IMMP2L: variants seen among roughly 807,000 people sequenced by gnomAD.
The protein encoded by IMMP2L is inner mitochondrial membrane peptidase subunit 2, also known as mitochondrial inner membrane protease subunit 2.
Under a neutral mutation model 19.3 loss-of-function variants are expected in IMMP2L, and 18 were observed. The observed-to-expected ratio is 0.93, with a 90% CI of 0.64 to 1.38. IMMP2L has a LOEUF of 1.38. Among genes scored for constraint, IMMP2L ranks in the 40% most tolerant of loss-of-function variants. IMMP2L has a pLI of 0.00. For synonymous variants in IMMP2L, 76 were observed against 73.0 expected, an observed-to-expected ratio of 1.04 and a Z score of -0.21; for missense variants, 233 against 218.2, an observed-to-expected ratio of 1.07 and a Z score of -0.43.
At chr7:111,037,653 G>T (rs1381321676) in intron 3 of IMMP2L, among the ~76,000 whole-genome samples, 1 of 152,128 alleles carries the variant, frequency 6.6e-6, no homozygotes, top group Non-Finnish European at 1.5e-5. Flanking sequence ...TTGCTTCAAA[G>T]AAGGTAGTTA....
chr7:111,254,333 CTT>C (rs1816469693), intron 3 of IMMP2L, among the ~76,000 whole-genome samples: 1 of 151,980 alleles, frequency 6.6e-6, no homozygotes, highest in African/African-American at 2.4e-5. Flanking sequence ...TCCTAAAAGT[CTT>C]TGAATATATG....
At chr7:110,959,866 C>G (rs1818750383) in intron 4 of IMMP2L, among the ~76,000 whole-genome samples, 1 of 151,902 alleles carries the variant, frequency 6.6e-6, no homozygotes, top group African/African-American at 2.4e-5. Flanking sequence ...CATCATTAAC[C>G]CTTGCTCTGG....
intron 3 of IMMP2L, among the ~76,000 whole-genome samples, chr7:111,301,381 A>T (rs1325815678): frequency 5.5e-5 from 8 of 145,666 alleles, no homozygotes; most frequent in African/African-American, 2.0e-4. Context: ...TTGGCAGGAG[A>T]TATGGTTTGC....
chr7:110,892,709 A>G (rs966022759), intron 4 of IMMP2L, among the ~76,000 whole-genome samples: 1 of 152,162 alleles, frequency 6.6e-6, no homozygotes, highest in African/African-American at 2.4e-5. Flanking sequence ...CAGAGAAAAA[A>G]CATGGACTAC....
intron 3 of IMMP2L, among the ~76,000 whole-genome samples, chr7:111,061,088 C>T (rs754871162): frequency 5.9e-5 from 9 of 152,100 alleles, no homozygotes; most frequent in East Asian, 1.9e-4. Flanking sequence ...AATGTATATG[C>T]GTGAAGTCTG....
At chr7:111,438,467 A>G (rs1273957442) in intron 3 of IMMP2L, among the ~76,000 whole-genome samples, 1 of 151,798 alleles carries the variant, frequency 6.6e-6, no homozygotes, top group Admixed American at 6.6e-5. Flanking sequence ...AGCTCTTTTT[A>G]TAACAACTTC....
At chr7:111,421,636 G>C (rs112830389) in intron 3 of IMMP2L, among the ~76,000 whole-genome samples, 7,673 of 151,716 alleles carry the variant, frequency 0.051, 303 homozygotes, top group South Asian at 0.084. Context: ...TGTCAGACGG[G>C]TAGATTGCAA....
At chr7:110,954,653 A>C (rs191728682) in intron 4 of IMMP2L, among the ~76,000 whole-genome samples, 1 of 152,260 alleles carries the variant, frequency 6.6e-6, no homozygotes, top group Admixed American at 6.5e-5. Flanking sequence ...AGAGTTAAGT[A>C]ATTTGCCAAA....
intron 5 of IMMP2L, among the ~76,000 whole-genome samples, chr7:110,712,875 C>G (rs1394250071): frequency 7.7e-6 from 1 of 129,096 alleles, no homozygotes; most frequent in South Asian, 2.7e-4. Context: ...GGCTCGCGCA[C>G]AGTGCGCACA....
chr7:111,071,585 T>C (rs930167144), intron 3 of IMMP2L, among the ~76,000 whole-genome samples: 3 of 152,156 alleles, frequency 2.0e-5, no homozygotes, highest in Non-Finnish European at 4.4e-5. Context: ...CATGCTACAA[T>C]GTGGATGTAT....
At chr7:111,528,919 C>T (rs1302096109) in intron 1 of IMMP2L, among the ~76,000 whole-genome samples, 2 of 152,082 alleles carry the variant, frequency 1.3e-5, no homozygotes, top group Admixed American at 1.3e-4. Context: ...GAGTAGGGAT[C>T]CAAGCAAATC....
In IMMP2L at chr7:111,304,670, ATGTGTGTGTGTGTGTGTG is replaced by A. The variant is rs147788856; in HGVS notation, c.239+182550_239+182567del. Among the ~76,000 whole-genome samples the A allele has an allele frequency of 3.6e-4, 46 of 126,058 alleles. No individual in the cohort carries two copies. In the East Asian group the frequency reaches 4.0e-3, roughly 11 times the overall value. The allele number at this position is 126,058 out of a possible 152,430, so 82.7% of individuals were successfully genotyped here. A position where few individuals can be genotyped will look rare whatever the true frequency, so the allele number is the denominator to read the frequency against. On this transcript the variant is annotated intron_variant, in intron 3 of 5. Transcript: ENST00000405709. ...GGGTGTTTATACATACACATATATA[ATGTGTGTGTGTGTGTGTG>A]TGTGTGTGTGTGTGTGTGTGTGTGT...
chr7:111,228,118 G>A (rs540010302), intron 3 of IMMP2L, among the ~76,000 whole-genome samples: 9 of 152,202 alleles, frequency 5.9e-5, no homozygotes, highest in African/African-American at 1.7e-4. Flanking sequence ...GAGATTATCT[G>A]CTGTTGAAAT....
intron 5 of IMMP2L, among the ~76,000 whole-genome samples, chr7:110,884,561 C>T (rs527440545): frequency 6.6e-6 from 1 of 152,100 alleles, no homozygotes; most frequent in East Asian, 1.9e-4. Flanking sequence ...ATCATATACT[C>T]AAGAGGGTTA....
At chr7:111,118,190 T>A (rs1270712678) in intron 3 of IMMP2L, among the ~76,000 whole-genome samples, 2 of 152,082 alleles carry the variant, frequency 1.3e-5, no homozygotes, top group East Asian at 3.8e-4. Context: ...AACTGAAAAC[T>A]TGGTGAGCAG....
At chr7:111,399,424 T>C (rs2131394705) in intron 3 of IMMP2L, among the ~76,000 whole-genome samples, 1 of 152,204 alleles carries the variant, frequency 6.6e-6, no homozygotes, top group African/African-American at 2.4e-5. Flanking sequence ...TGCAATGGCA[T>C]AATCTCAGCT....
At chr7:110,724,767 CTATT>C (rs1795784894) in intron 5 of IMMP2L, among the ~76,000 whole-genome samples, 1 of 152,078 alleles carries the variant, frequency 6.6e-6, no homozygotes. Flanking sequence ...ACAAAAATGA[CTATT>C]TAAGTTCACA....
intron 3 of IMMP2L, among the ~76,000 whole-genome samples, chr7:111,436,035 C>T (rs1399939680): frequency 6.6e-6 from 1 of 151,688 alleles, no homozygotes; most frequent in Admixed American, 6.6e-5. Context: ...AGGTGTCCTG[C>T]CAGACCTCTG....
At chr7:111,154,082 C>T (rs545651171) in intron 3 of IMMP2L, among the ~76,000 whole-genome samples, 1 of 152,168 alleles carries the variant, frequency 6.6e-6, no homozygotes, top group Admixed American at 6.5e-5. Context: ...AGGATCCCCA[C>T]TAATTTCACA....
Sources: allele counts gnomAD v4.1 joint callset (sites outside exome capture counted in the v4.1 genomes callset), GRCh38; gene constraint gnomAD v4.1.1; transcripts MANE v1.5; gene names NCBI Gene and HGNC (gene_info 2026-07-23, HGNC 2026-07-21).